Variants in HECW2 observed in about 807,000 individuals in gnomAD.
HECW2 encodes E3 ubiquitin-protein ligase HECW2.
A neutral mutation model predicts 175.2 loss-of-function variants in HECW2; 61 were observed. The observed-to-expected ratio is 0.35, with a 90% CI of 0.28 to 0.43. The LOEUF is 0.43. Among genes scored for constraint, HECW2 ranks in the 20% least tolerant of loss-of-function variants. The pLI, the probability that HECW2 is intolerant of heterozygous loss-of-function variation, is 1.00. For missense variants in HECW2, 1,524 were observed against 2,000.5 expected, an observed-to-expected ratio of 0.76 and a Z score of 4.54; for synonymous variants, 671 against 731.0, an observed-to-expected ratio of 0.92 and a Z score of 1.32.
chr2:196,207,319 C>A (rs1044992649), intron 28 of HECW2, among the ~76,000 whole-genome samples: 1 of 152,096 alleles, frequency 6.6e-6, no homozygotes, highest in African/African-American at 2.4e-5. Flanking sequence ...ATAGAGTGAT[C>A]GAATTCCATT....
At chr2:196,555,433 T>G (rs751867572) in intron 1 of HECW2, among the ~76,000 whole-genome samples, 3 of 152,176 alleles carry the variant, frequency 2.0e-5, no homozygotes, top group Non-Finnish European at 2.9e-5. Context: ...AAAGGCCACC[T>G]CCTAATACCA....
chr2:196,283,480 A>G (rs1021479903), intron 14 of HECW2, among the ~76,000 whole-genome samples: 5 of 149,072 alleles, frequency 3.4e-5, no homozygotes, highest in Middle Eastern at 3.5e-3. Flanking sequence ...GGTTCAAGTG[A>G]CTCTCCTGCC....
chr2:196,208,154 G>A (rs1687138071), intron 28 of HECW2, among the ~76,000 whole-genome samples: 1 of 152,220 alleles, frequency 6.6e-6, no homozygotes, highest in South Asian at 2.1e-4. Context: ...TAGATATTAG[G>A]AAGAATAGTA....
rs772558302 is a variant in HECW2 at position 196,257,790 on chromosome 2, C to T, written c.3419+33G>A. ...TCCATGATATCTGATGACAAGAGAC[C>T]TTCTGCTTCAAGAGTGAGTGTTACG... On this transcript the variant is annotated intron_variant, in intron 18 of 28. Coordinates refer to ENST00000644978, the MANE Select transcript of HECW2 (RefSeq NM_001348768.2). 25 of 1,448,478 alleles carry T rather than the reference C, an allele frequency of 1.7e-5. No homozygotes were observed. In the South Asian group the frequency reaches 2.5e-4, roughly 15 times the overall value. 89.7% of individuals were successfully genotyped at this position (1,448,478 alleles called of 1,614,324 possible).
intron 1 of HECW2, among the ~76,000 whole-genome samples, chr2:196,513,961 G>A (rs1053896165): frequency 2.6e-5 from 4 of 152,176 alleles, no homozygotes; most frequent in African/African-American, 9.7e-5. Context: ...TGGGGGAGGC[G>A]CTGCTGGGGC....
chr2:196,376,986 T>C (rs1411930073), intron 2 of HECW2, among the ~76,000 whole-genome samples: 1 of 152,210 alleles, frequency 6.6e-6, no homozygotes, highest in Non-Finnish European at 1.5e-5. Context: ...AGATCGTTTT[T>C]CATTCCTTGG....
intron 2 of HECW2, among the ~76,000 whole-genome samples, chr2:196,348,285 T>A (rs903320782): frequency 6.6e-6 from 1 of 152,160 alleles, no homozygotes; most frequent in Non-Finnish European, 1.5e-5. Context: ...TATTCTTTTT[T>A]ATCCTCATTT....
At chr2:196,389,903 A>C (rs1360453054) in intron 2 of HECW2, among the ~76,000 whole-genome samples, 1 of 152,142 alleles carries the variant, frequency 6.6e-6, no homozygotes, top group Non-Finnish European at 1.5e-5. Flanking sequence ...CTCCCTGAAC[A>C]GCCACTGGAT....
chr2:196,338,160 G>A (rs764326586), intron 3 of HECW2, among the ~76,000 whole-genome samples: 2 of 152,166 alleles, frequency 1.3e-5, no homozygotes, highest in Non-Finnish European at 2.9e-5. Context: ...TTGGGGAGGC[G>A]GAGGGGCTTT....
chr2:196,357,323 G>A (rs1018680433), intron 2 of HECW2, among the ~76,000 whole-genome samples: 1 of 135,186 alleles, frequency 7.4e-6, no homozygotes, highest in African/African-American at 3.5e-5. Context: ...CCTGGTGGGG[G>A]GCTTGGGCGG....
intron 18 of HECW2, among the ~76,000 whole-genome samples, chr2:196,255,530 G>C (rs1321152677): frequency 6.6e-6 from 1 of 151,938 alleles, no homozygotes. Context: ...AAAATTATTG[G>C]GTTTTAAAAT....
At chr2:196,312,051 T>C (rs1184114679) in intron 10 of HECW2, among the ~76,000 whole-genome samples, 7 of 152,098 alleles carry the variant, frequency 4.6e-5, no homozygotes, top group African/African-American at 1.7e-4. Flanking sequence ...AATCAACATA[T>C]GTGGGAAGGG....
intron 1 of HECW2, among the ~76,000 whole-genome samples, chr2:196,497,567 A>C (rs752264928): frequency 2.7e-4 from 41 of 152,300 alleles, no homozygotes; most frequent in Non-Finnish European, 5.6e-4. Context: ...CAACAGCCTT[A>C]GAAGCAAAAG....
intron 2 of HECW2, among the ~76,000 whole-genome samples, chr2:196,392,234 T>C (rs1301143265): frequency 6.6e-6 from 1 of 152,218 alleles, no homozygotes; most frequent in Non-Finnish European, 1.5e-5. Flanking sequence ...TTTTGCTTCA[T>C]CTCTTGCCCA....
chr2:196,314,081 G>T (rs894752416), intron 10 of HECW2, among the ~76,000 whole-genome samples: 1 of 152,192 alleles, frequency 6.6e-6, no homozygotes, highest in East Asian at 1.9e-4. Flanking sequence ...AGGGTAGAAA[G>T]AGAGTGACCT....
chr2:196,588,783 G>C (rs1242792449), intron 1 of HECW2, among the ~76,000 whole-genome samples: 2 of 152,148 alleles, frequency 1.3e-5, no homozygotes, highest in Non-Finnish European at 2.9e-5. Flanking sequence ...ATAAATCCTA[G>C]TTTTCCTGGC....
chr2:196,551,205 G>C (rs1469437965), intron 1 of HECW2, among the ~76,000 whole-genome samples: 1 of 152,148 alleles, frequency 6.6e-6, no homozygotes, highest in Non-Finnish European at 1.5e-5. Flanking sequence ...CCAAAGAAAT[G>C]CAATACTTCA....
At chr2:196,484,895 G>C (rs1449731529) in intron 1 of HECW2, among the ~76,000 whole-genome samples, 2 of 152,234 alleles carry the variant, frequency 1.3e-5, no homozygotes, top group Non-Finnish European at 2.9e-5. Flanking sequence ...ATTCAATGCG[G>C]TAAGCAACCC....
Position 196,503,189 on chromosome 2 carries a change from CTGTT to C in HECW2, c.-35-69735_-35-69732del, listed in dbSNP as rs369092354. On this transcript the variant is annotated intron_variant, in intron 1 of 28. Coordinates refer to ENST00000644978, the MANE Select transcript of HECW2 (RefSeq NM_001348768.2). ...ACTGAGAGTGTGTATACTGGCTTCTCTGTTTGCCCCCAGTAGGAACCCCCACAAA... is the reference window on the plus strand; with the variant it reads ...ACTGAGAGTGTGTATACTGGCTTCTCTGCCCCCAGTAGGAACCCCCACAAA... Among the ~76,000 whole-genome samples the C allele has an allele frequency of 1.1e-3, 160 of 152,254 alleles. 1 individual carries two copies. The highest frequency in any genetic ancestry group is 3.7e-3 in the African/African-American group (152 of 41,560).
Sources: allele counts gnomAD v4.1 joint callset (sites outside exome capture counted in the v4.1 genomes callset), GRCh38; gene constraint gnomAD v4.1.1; transcripts MANE v1.5; gene names NCBI Gene and HGNC (gene_info 2026-07-23, HGNC 2026-07-21).